CCDC178: variants seen among roughly 807,000 people sequenced by gnomAD.
CCDC178 encodes coiled-coil domain containing 178.
A neutral mutation model predicts 117.4 loss-of-function variants in CCDC178; 126 were observed. That is an observed-to-expected ratio of 1.07 (90% CI 0.93 to 1.24). CCDC178 has a LOEUF of 1.24. Among genes scored for constraint, CCDC178 ranks in the 50% most tolerant of loss-of-function variants. The pLI, the probability that CCDC178 is intolerant of heterozygous loss-of-function variation, is 0.00. For missense variants in CCDC178, 1,030 were observed against 986.9 expected (o/e 1.04, Z -0.59); for synonymous variants, 283 against 313.4 (o/e 0.90, Z 1.02).
chr18:33,077,999 C>T (rs1276342605), intron 21 of CCDC178, among the ~76,000 whole-genome samples: 1 of 152,090 alleles, frequency 6.6e-6, no homozygotes, highest in Admixed American at 6.6e-5. Flanking sequence ...AACTTCAGGG[C>T]AATAGTATTG....
Position 33,389,546 on chromosome 18 carries a change from TATTTGTC to T in CCDC178, c.195_201del (p.Met65IlefsTer5). 6.7e-7 allele frequency: 1 copy of T among 1,496,642 alleles called. No homozygotes were observed. The highest frequency in any genetic ancestry group is 9.0e-7 in the Non-Finnish European group (1 of 1,115,790). 92.7% of individuals were successfully genotyped at this position (1,496,642 alleles called of 1,614,324 possible). A position where few individuals can be genotyped will look rare whatever the true frequency, so the allele number is the denominator to read the frequency against. The stretch of plus-strand genomic sequence containing the variant: ...ATTTACATTCAGTCCTCACCTTCAG[TATTTGTC>T]ATTTTACTTTCATGAAAACCTTCAC... On this transcript the variant is annotated frameshift_variant, in exon 5 of 23. Transcript: ENST00000383096. LOFTEE classifies it high-confidence loss of function.
At chr18:33,186,998 T>A (rs1330496452) in intron 20 of CCDC178, among the ~76,000 whole-genome samples, 1 of 149,450 alleles carries the variant, frequency 6.7e-6, no homozygotes, top group Non-Finnish European at 1.5e-5. Flanking sequence ...GTAAGCGGTT[T>A]AATTGACTCA....
intron 21 of CCDC178, among the ~76,000 whole-genome samples, chr18:33,056,262 AATC>A (rs1207555067): frequency 2.6e-5 from 4 of 152,206 alleles, no homozygotes; most frequent in African/African-American, 9.6e-5. Context: ...GTCAGTTCAC[AATC>A]ATCAAGCAAA....
intron 20 of CCDC178, among the ~76,000 whole-genome samples, chr18:33,108,607 T>G (rs2057738565): frequency 1.3e-5 from 2 of 151,616 alleles, no homozygotes; most frequent in Non-Finnish European, 3.0e-5. Context: ...GATGATTTGT[T>G]GATTATATTT....
intron 20 of CCDC178, among the ~76,000 whole-genome samples, chr18:33,156,903 C>T (rs1035344526): frequency 1.3e-5 from 2 of 152,142 alleles, no homozygotes; most frequent in African/African-American, 2.4e-5. Flanking sequence ...AGCCTTGGCT[C>T]ATAAAATCTA....
At chr18:33,037,477 C>A (rs1220207207) in intron 21 of CCDC178, among the ~76,000 whole-genome samples, 1 of 151,882 alleles carries the variant, frequency 6.6e-6, no homozygotes, top group Non-Finnish European at 1.5e-5. Context: ...CATTACTGTA[C>A]AATCACACAA....
At chr18:33,166,227 A>G (rs1417691783) in intron 20 of CCDC178, among the ~76,000 whole-genome samples, 1 of 152,218 alleles carries the variant, frequency 6.6e-6, no homozygotes, top group African/African-American at 2.4e-5. Flanking sequence ...GTTGGTCCAG[A>G]CAACACTGAA....
chr18:33,252,069 G>A (rs980040205), intron 14 of CCDC178, among the ~76,000 whole-genome samples: 1 of 151,752 alleles, frequency 6.6e-6, no homozygotes, highest in Admixed American at 6.6e-5. Context: ...TTGTTAGAGT[G>A]AGGGTGCTAG....
intron 3 of CCDC178, among the ~76,000 whole-genome samples, chr18:33,406,990 T>C (rs1270785892): frequency 6.6e-6 from 1 of 152,166 alleles, no homozygotes; most frequent in African/African-American, 2.4e-5. Flanking sequence ...CTGAAAAACA[T>C]CATGTTAACT....
intron 21 of CCDC178, among the ~76,000 whole-genome samples, chr18:33,024,953 A>G (rs1046313162): frequency 6.6e-6 from 1 of 151,952 alleles, no homozygotes; most frequent in Non-Finnish European, 1.5e-5. Context: ...GCTCTTCTCA[A>G]TTTATTTTAT....
chr18:33,068,705 C>G (rs1000346912), intron 21 of CCDC178, among the ~76,000 whole-genome samples: 1 of 150,010 alleles, frequency 6.7e-6, no homozygotes, highest in African/African-American at 2.4e-5. Context: ...AAACCTACAT[C>G]TAACATTATA....
intron 12 of CCDC178, among the ~76,000 whole-genome samples, chr18:33,284,611 G>A (rs1482291056): frequency 3.3e-5 from 5 of 151,928 alleles, no homozygotes; most frequent in African/African-American, 4.8e-5. Flanking sequence ...TCTTCTATTC[G>A]CTTGAGTATA....
chr18:33,116,638 A>G (rs2057860445), intron 20 of CCDC178, among the ~76,000 whole-genome samples: 1 of 151,980 alleles, frequency 6.6e-6, no homozygotes, highest in South Asian at 2.1e-4. Flanking sequence ...TGTATGACTG[A>G]GGTTCCTGTT....
chr18:33,164,772 C>T (rs953561305), intron 20 of CCDC178, among the ~76,000 whole-genome samples: 7 of 151,972 alleles, frequency 4.6e-5, no homozygotes, highest in African/African-American at 9.7e-5. Flanking sequence ...GATATGTAGC[C>T]GGAAATGGGA....
intron 15 of CCDC178, among the ~76,000 whole-genome samples, chr18:33,229,063 G>C (rs557058966): frequency 6.6e-6 from 1 of 152,234 alleles, no homozygotes; most frequent in South Asian, 2.1e-4. Flanking sequence ...GCTGACTCTA[G>C]AGTTAAGTTT....
At chr18:33,137,280 A>T (rs193052978) in intron 20 of CCDC178, among the ~76,000 whole-genome samples, 1 of 152,352 alleles carries the variant, frequency 6.6e-6, no homozygotes, top group Admixed American at 6.5e-5. Flanking sequence ...AACACTTTTT[A>T]AAAAGCAAGT....
chr18:32,947,921 T>C (rs1050395457), intron 22 of CCDC178, among the ~76,000 whole-genome samples: 1 of 152,144 alleles, frequency 6.6e-6, no homozygotes, highest in Non-Finnish European at 1.5e-5. Context: ...TTCACATAGA[T>C]ATGCAATTTT....
At chr18:33,374,079 A>C (rs751293443) in intron 5 of CCDC178, among the ~76,000 whole-genome samples, 18 of 152,228 alleles carry the variant, frequency 1.2e-4, no homozygotes, top group Admixed American at 1.2e-3. Context: ...ACTGCAATAA[A>C]GAGATCTGGG....
chr18:33,090,149 A>G (rs905909162), intron 21 of CCDC178, among the ~76,000 whole-genome samples: 3 of 152,204 alleles, frequency 2.0e-5, no homozygotes, highest in African/African-American at 7.2e-5. Flanking sequence ...AGACGTGTAT[A>G]TAAGATTGTG....
Sources: allele counts gnomAD v4.1 joint callset (sites outside exome capture counted in the v4.1 genomes callset), GRCh38; gene constraint gnomAD v4.1.1; transcripts MANE v1.5; gene names NCBI Gene and HGNC (gene_info 2026-07-23, HGNC 2026-07-21).